Variants in MCOLN2 observed in about 807,000 individuals in gnomAD.
MCOLN2 encodes mucolipin TRP cation channel 2, also known as mucolipin-2.
In MCOLN2, 57 loss-of-function variants were observed where a neutral mutation model predicts 67.5. That is an observed-to-expected ratio of 0.84 (90% CI 0.68 to 1.05). MCOLN2 has a LOEUF of 1.05. Ranked by LOEUF, MCOLN2 falls within the 50% of genes least tolerant of loss-of-function variation. The pLI, the probability that MCOLN2 is intolerant of heterozygous loss-of-function variation, is 0.00. For missense variants in MCOLN2, 620 were observed against 678.8 expected, an observed-to-expected ratio of 0.91 and a Z score of 0.96; for synonymous variants, 246 against 233.3, an observed-to-expected ratio of 1.05 and a Z score of -0.50.
At chr1:84,987,504 ATGTATACATATG>A (rs2102887520) in intron 1 of MCOLN2, among the ~76,000 whole-genome samples, 1 of 23,756 alleles carries the variant, frequency 4.2e-5, no homozygotes, top group African/African-American at 2.0e-4. Context: ...GTATACATAG[ATGTATACATATG>A]TATATATGTA....
chr1:84,951,723 A>G (rs1466693840), intron 6 of MCOLN2, among the ~76,000 whole-genome samples: 3 of 152,216 alleles, frequency 2.0e-5, no homozygotes, highest in Non-Finnish European at 2.9e-5. Context: ...TTGGTTTTTA[A>G]AAGTTGAAAA....
chr1:84,973,749 G>T (rs975654877), intron 1 of MCOLN2, among the ~76,000 whole-genome samples: 7 of 152,190 alleles, frequency 4.6e-5, no homozygotes, highest in African/African-American at 1.4e-4. Context: ...GATGGCAGAA[G>T]AGAAGCCTCC....
At chr1:84,969,423 T>C (rs1417876316) in intron 1 of MCOLN2, among the ~76,000 whole-genome samples, 1 of 151,946 alleles carries the variant, frequency 6.6e-6, no homozygotes, top group Non-Finnish European at 1.5e-5. Context: ...ATACAAAAAT[T>C]AGCCAGGTGT....
At chr1:84,946,252 T>G (rs1648097921) in intron 7 of MCOLN2, among the ~76,000 whole-genome samples, 1 of 152,216 alleles carries the variant, frequency 6.6e-6, no homozygotes, top group South Asian at 2.1e-4. Flanking sequence ...TTTGCTTTTT[T>G]TCTCCTCATA....
At chr1:84,930,829 A>G (rs375294531) in intron 12 of MCOLN2, among the ~76,000 whole-genome samples, 256 of 152,322 alleles carry the variant, frequency 1.7e-3, no homozygotes, top group African/African-American at 5.9e-3. Flanking sequence ...AATTCCTTCA[A>G]GCCACAAATC....
intron 12 of MCOLN2, among the ~76,000 whole-genome samples, chr1:84,930,626 T>G (rs1260082627): frequency 6.6e-6 from 1 of 152,094 alleles, no homozygotes; most frequent in East Asian, 1.9e-4. Context: ...GAACACTTAC[T>G]TATCTTCCCA....
intron 1 of MCOLN2, among the ~76,000 whole-genome samples, chr1:84,978,920 C>G (rs895241648): frequency 3.3e-5 from 5 of 152,076 alleles, no homozygotes; most frequent in Non-Finnish European, 5.9e-5. Flanking sequence ...GCAAGGAGAG[C>G]CAGTCCGAGT....
intron 6 of MCOLN2, among the ~76,000 whole-genome samples, chr1:84,948,431 A>G (rs1209599795): frequency 6.6e-6 from 1 of 152,224 alleles, no homozygotes; most frequent in Non-Finnish European, 1.5e-5. Context: ...GCCCATCTAC[A>G]GGAAAAAGTC....
Position 84,996,839 on chromosome 1 carries a change from T to C in MCOLN2, c.34A>G (p.Arg12Gly). The C allele has an allele frequency of 6.2e-7, 1 of 1,614,106 alleles. No individual in the cohort carries two copies. The highest frequency in any genetic ancestry group is 8.5e-7 in the Non-Finnish European group (1 of 1,179,972). ...ACACCTGATCCTCTCTCCGGAATCCTTGCCTGGGGAAAACGATAAGGCTGC... is the reference window on the plus strand; with the variant it reads ...ACACCTGATCCTCTCTCCGGAATCCCTGCCTGGGGAAAACGATAAGGCTGC... ...ARQPYRFPQARIPERGSGVFR... is the reference protein window; with the variant it reads ...ARQPYRFPQAGIPERGSGVFR... Residue 12 changes from arginine (R) to glycine (G), a missense_variant, in exon 1 of 14, where the codon AGG becomes GGG. By Grantham distance (125) the Arg-to-Gly change is moderately radical. Transcript: ENST00000370608.
chr1:84,982,082 T>TC (rs1650286422), intron 1 of MCOLN2, among the ~76,000 whole-genome samples: 2 of 151,308 alleles, frequency 1.3e-5, no homozygotes, highest in Non-Finnish European at 2.9e-5. Context: ...GGGTTTTTTT[T>TC]TTTTTAAAAA....
chr1:84,973,931 C>T (rs527769332), intron 1 of MCOLN2, among the ~76,000 whole-genome samples: 43 of 152,330 alleles, frequency 2.8e-4, no homozygotes, highest in Non-Finnish European at 5.9e-4. Context: ...CTGATACCAC[C>T]CTTCCCCCAG....
chr1:84,958,604 T>C lies in MCOLN2; in HGVS notation c.336A>G (p.Thr112=). 6.2e-7 allele frequency: 1 copy of C among 1,611,794 alleles called. No homozygotes were observed. The highest frequency in any genetic ancestry group is 8.5e-7 in the Non-Finnish European group (1 of 1,179,584). The part of the protein sequence containing the change: ...KHLFLKGYSG[T]DEDDYSCSVY... Reference sequence around the variant, plus strand: ...CACTGCAGCTGTAGTCATCTTCATCTGTACCAGAATATCCTTTCAAAAACA... The same window carrying C: ...CACTGCAGCTGTAGTCATCTTCATCCGTACCAGAATATCCTTTCAAAAACA... Residue 112 remains threonine (T), a synonymous_variant, in exon 3 of 14, where the codon ACA becomes ACG. Transcript: ENST00000370608.
chr1:84,938,092 GA>G lies in MCOLN2; in HGVS notation c.1111-11del. The stretch of plus-strand genomic sequence containing the variant: ...CATAGTTTGTGAGATTCTAAGGAAT[GA>G]AAAAAAAGAAAGAGAGAAATGAGTA... On this transcript the variant is annotated splice_polypyrimidine_tract_variant and intron_variant, in intron 9 of 13. Transcript: ENST00000370608. 17 of 1,570,318 alleles carry G rather than the reference GA, an allele frequency of 1.1e-5. No individual in the cohort carries two copies. The highest frequency in any genetic ancestry group is 4.5e-5 in the East Asian group (2 of 44,590).
In MCOLN2 at chr1:84,929,666, T is replaced by C. The variant is rs1266538126; in HGVS notation, c.1556A>G (p.Asn519Ser). The C allele has an allele frequency of 3.1e-6, 5 of 1,613,318 alleles. No homozygotes were observed. The highest frequency in any genetic ancestry group is 4.2e-6 in the Non-Finnish European group (5 of 1,179,438). Residue 519 changes from asparagine to serine, a missense_variant, in exon 13 of 14, where the codon AAT becomes AGT. Coordinates refer to ENST00000370608, the MANE Select transcript of MCOLN2 (RefSeq NM_153259.4). ...SYDTIKKFQQNGFPETDLQEF... is the reference protein window; with the variant it reads ...SYDTIKKFQQSGFPETDLQEF... Reference sequence around the variant, plus strand: ...CTGCAAATCCGTTTCAGGAAACCCATTCTGTTGGAATTTCTTTAGAAAGTA... The same window carrying C: ...CTGCAAATCCGTTTCAGGAAACCCACTCTGTTGGAATTTCTTTAGAAAGTA...
At chr1:84,934,605 C>T (rs1248018496) in intron 11 of MCOLN2, among the ~76,000 whole-genome samples, 1 of 152,194 alleles carries the variant, frequency 6.6e-6, no homozygotes, top group East Asian at 1.9e-4. Context: ...CCCATGGCAT[C>T]AGTGAAGTCC....
chr1:84,963,548 TC>T (rs752657788), intron 2 of MCOLN2, among the ~76,000 whole-genome samples: 27 of 152,278 alleles, frequency 1.8e-4, no homozygotes, highest in Non-Finnish European at 3.7e-4. Context: ...CGAATTGTAA[TC>T]CCCAATGTTG....
At chr1:84,955,655 G>C (rs1648742981) in intron 4 of MCOLN2, among the ~76,000 whole-genome samples, 1 of 152,158 alleles carries the variant, frequency 6.6e-6, no homozygotes. Context: ...GGTTTCTGCA[G>C]GGCAGGGCAG....
intron 1 of MCOLN2, among the ~76,000 whole-genome samples, chr1:84,986,386 C>A (rs1405756889): frequency 6.6e-6 from 1 of 151,800 alleles, no homozygotes; most frequent in Non-Finnish European, 1.5e-5. Flanking sequence ...ACTAAAAATA[C>A]AAAATTAGCC....
rs539998161 is a variant in MCOLN2 at position 84,930,759 on chromosome 1, G to A, written c.1542+603C>T. On this transcript the variant is annotated intron_variant, in intron 12 of 13. Coordinates refer to ENST00000370608, the MANE Select transcript of MCOLN2 (RefSeq NM_153259.4). ...TGGTTTTTCAGTCACTGACCCTGAA[G>A]CAGGGTTTTCTAAGCATGACCATCT... is the stretch of plus-strand genomic sequence containing the variant. Among the ~76,000 whole-genome samples the A allele has an allele frequency of 3.3e-5, 5 of 152,304 alleles. No individual in the cohort carries two copies. In the South Asian group the frequency reaches 1.0e-3, roughly 32 times the overall value.
Sources: allele counts gnomAD v4.1 joint callset (sites outside exome capture counted in the v4.1 genomes callset), GRCh38; gene constraint gnomAD v4.1.1; transcripts MANE v1.5; gene names NCBI Gene and HGNC (gene_info 2026-07-23, HGNC 2026-07-21).